The following ANKRD36 variants were observed in gnomAD, a reference collection of about 807,000 sequenced individuals.
ANKRD36 encodes ankyrin repeat domain-containing protein 36A.
Under a neutral mutation model 278.1 loss-of-function variants are expected in ANKRD36, and 179 were observed. The observed-to-expected ratio is 0.64, with a 90% CI of 0.57 to 0.73. ANKRD36 has a LOEUF of 0.73. Among genes scored for constraint, ANKRD36 ranks in the 30% least tolerant of loss-of-function variants. The pLI, the probability that ANKRD36 is intolerant of heterozygous loss-of-function variation, is 0.00. For synonymous variants in ANKRD36, 320 were observed against 641.1 expected, an observed-to-expected ratio of 0.50 and a Z score of 7.57; for missense variants, 1,159 against 1,956.7, an observed-to-expected ratio of 0.59 and a Z score of 7.69.
chr2:97,204,974 T>G (rs1364473683), intron 50 of ANKRD36, among the ~76,000 whole-genome samples: 1 of 151,512 alleles, frequency 6.6e-6, no homozygotes, highest in Admixed American at 6.6e-5. Flanking sequence ...GTTATAGAAA[T>G]GAGATAAACT....
chr2:97,155,731 G>A (rs1192225628), intron 15 of ANKRD36, among the ~76,000 whole-genome samples: 1 of 145,990 alleles, frequency 6.8e-6, no homozygotes, highest in African/African-American at 2.4e-5. Context: ...AGAGGCTTTT[G>A]TGCTTAGTTA....
At chr2:97,195,371 C>T (rs572370208) in intron 40 of ANKRD36, among the ~76,000 whole-genome samples, 3 of 152,036 alleles carry the variant, frequency 2.0e-5, no homozygotes, top group Admixed American at 6.6e-5. Flanking sequence ...TGAATGAAGA[C>T]GGATTGTGAG....
chr2:97,155,974 C>A (rs1416847260), intron 15 of ANKRD36, among the ~76,000 whole-genome samples: 1 of 145,270 alleles, frequency 6.9e-6, no homozygotes. Context: ...CTTGAATGTT[C>A]TGAATTTATC....
At chr2:97,206,769 AAC>A (rs1039867964) in intron 52 of ANKRD36, among the ~76,000 whole-genome samples, 2 of 151,496 alleles carry the variant, frequency 1.3e-5, no homozygotes, top group African/African-American at 4.8e-5. Flanking sequence ...TTGGCATAAA[AAC>A]ACACTGACTC....
At chr2:97,124,951 G>A (rs1166074515) in intron 5 of ANKRD36, among the ~76,000 whole-genome samples, 1 of 151,552 alleles carries the variant, frequency 6.6e-6, no homozygotes, top group African/African-American at 2.4e-5. Context: ...TAGTTATTTG[G>A]GTCTCAAAAT....
At chr2:97,199,241 G>T (rs1265860518) in intron 44 of ANKRD36, among the ~76,000 whole-genome samples, 1 of 151,862 alleles carries the variant, frequency 6.6e-6, no homozygotes, top group African/African-American at 2.4e-5. Context: ...TTTGATTTTG[G>T]CTACTCCAGG....
intron 66 of ANKRD36, among the ~76,000 whole-genome samples, chr2:97,222,678 G>A: frequency 6.6e-6 from 1 of 152,122 alleles, no homozygotes; most frequent in East Asian, 2.0e-4. Flanking sequence ...TTTCTAGCCA[G>A]AGGGAAAGGA....
chr2:97,207,680 C>A (rs1402164704), intron 52 of ANKRD36, 131 bp from the exon 53 acceptor site: 2 of 1,415,924 alleles, frequency 1.4e-6, no homozygotes, highest in Non-Finnish European at 1.9e-6. Flanking sequence ...TCCCCAGACA[C>A]AAAGTAGAAG....
Position 97,192,961 on chromosome 2 carries a change from T to C in ANKRD36, c.2377-20T>C. The C allele has an allele frequency of 6.3e-7, 1 of 1,584,896 alleles. No individual in the cohort carries two copies. ...AAACATACTTTATTAATTTATTATT[T>C]CATTTGAAATTCCATTCAGGCTACA... On this transcript the variant is annotated intron_variant, in intron 37 of 75. Transcript: ENST00000420699.
rs192540651 is a variant in ANKRD36 at position 97,129,951 on chromosome 2, C to T, written c.799+2817C>T. Among the ~76,000 whole-genome samples, 535 of 152,036 alleles carry T rather than the reference C, an allele frequency of 3.5e-3. 8 individuals are homozygous for T. The highest frequency in any genetic ancestry group is 3.9e-3 in the Admixed American group (59 of 15,222). On this transcript the variant is annotated intron_variant, in intron 6 of 75. Coordinates refer to ENST00000420699, the MANE Select transcript of ANKRD36 (RefSeq NM_001354587.1). ...TTGGCTTAGGATTGACTTGGCAATG[C>T]GGGCTCTTTTTTCGTTCCATATGAA...
intron 11 of ANKRD36, among the ~76,000 whole-genome samples, chr2:97,147,369 T>A (rs2044539433): frequency 3.3e-5 from 5 of 151,908 alleles, no homozygotes; most frequent in African/African-American, 9.7e-5. Flanking sequence ...TTTTATAGTT[T>A]TCATGTATGG....
At chr2:97,174,372 A>G (rs2053588077) in intron 22 of ANKRD36, among the ~76,000 whole-genome samples, 1 of 151,622 alleles carries the variant, frequency 6.6e-6, no homozygotes, top group African/African-American at 2.4e-5. Context: ...AACTACTGGA[A>G]GCAGGAAAGA....
chr2:97,206,385 A>G (rs1476490349), intron 52 of ANKRD36, among the ~76,000 whole-genome samples: 1 of 151,492 alleles, frequency 6.6e-6, no homozygotes, highest in Non-Finnish European at 1.5e-5. Context: ...TGAAGACATA[A>G]GGGTCTCTGG....
At chr2:97,260,087 T>C (rs1240185476) in intron 75 of ANKRD36, among the ~76,000 whole-genome samples, 1 of 44,790 alleles carries the variant, frequency 2.2e-5, no homozygotes, top group Non-Finnish European at 3.7e-5. Flanking sequence ...ATATCTTTAA[T>C]TTCATCTAGA....
chr2:97,175,593 T>G (rs1301577221), intron 22 of ANKRD36, among the ~76,000 whole-genome samples: 3 of 151,908 alleles, frequency 2.0e-5, no homozygotes, highest in African/African-American at 7.2e-5. Context: ...ATTCATTAAT[T>G]TTTTGAAGGG....
Position 97,195,555 on chromosome 2 carries a change from A to C in ANKRD36, c.2551+638A>C, listed in dbSNP as rs576163002. Among the ~76,000 whole-genome samples, 8 of 152,030 alleles carry C rather than the reference A, an allele frequency of 5.3e-5. 1 individual carries two copies. In the South Asian group the frequency reaches 1.3e-3, roughly 24 times the overall value. On this transcript the variant is annotated intron_variant, in intron 40 of 75. Transcript: ENST00000420699. ...CAGTGGTTGAATTGGCATAAAAACA[A>C]AATGACTCATTACTCCTCTTTGTTA... is the stretch of plus-strand genomic sequence containing the variant.
intron 64 of ANKRD36, among the ~76,000 whole-genome samples, chr2:97,218,283 T>C (rs1350479701): frequency 6.7e-6 from 1 of 149,758 alleles, no homozygotes; most frequent in Admixed American, 6.7e-5. Flanking sequence ...TTAGACTGAT[T>C]TCCAAATGTA....
chr2:97,147,569 CA>C (rs1458688599), intron 11 of ANKRD36, among the ~76,000 whole-genome samples: 1 of 151,872 alleles, frequency 6.6e-6, no homozygotes, highest in East Asian at 2.0e-4. Flanking sequence ...TACAGTAAAT[CA>C]GAGAAATGAG....
chr2:97,136,897 A>T (rs888603364), intron 6 of ANKRD36, among the ~76,000 whole-genome samples: 1 of 152,048 alleles, frequency 6.6e-6, no homozygotes, highest in Non-Finnish European at 1.5e-5. Flanking sequence ...TTATACTGCA[A>T]TTCACATGTA....
Sources: allele counts gnomAD v4.1 joint callset (sites outside exome capture counted in the v4.1 genomes callset), GRCh38; gene constraint gnomAD v4.1.1; transcripts MANE v1.5; gene names NCBI Gene and HGNC (gene_info 2026-07-23, HGNC 2026-07-21).